PBX3: variants seen among roughly 807,000 people sequenced by gnomAD.
PBX3 encodes the protein PBX homeobox 3.
In PBX3, 14 loss-of-function variants were observed where a neutral mutation model predicts 48.5. The ratio of observed to expected loss-of-function variants is 0.29; its 90% CI spans 0.19 to 0.45. The LOEUF (loss-of-function observed/expected upper bound fraction) is 0.45, where lower values mean the gene tolerates loss of function less well. Among genes scored for constraint, PBX3 ranks in the 20% least tolerant of loss-of-function variants. The pLI is 1.00. For synonymous variants in PBX3, 210 were observed against 200.3 expected (o/e 1.05, Z -0.41); for missense variants, 386 against 546.7 (o/e 0.71, Z 2.93).
At chr9:125,827,223 T>G (rs1296584721) in intron 2 of PBX3, among the ~76,000 whole-genome samples, 1 of 152,216 alleles carries the variant, frequency 6.6e-6, no homozygotes, top group African/African-American at 2.4e-5. Flanking sequence ...TAAAGACCCA[T>G]GTAGGGTATA....
chr9:125,933,795 A>G (rs1393384762), intron 4 of PBX3, among the ~76,000 whole-genome samples: 1 of 152,156 alleles, frequency 6.6e-6, no homozygotes, highest in Non-Finnish European at 1.5e-5. Context: ...ATGAGCAGGT[A>G]ATTACTGTGT....
In PBX3 at chr9:125,960,823, C is replaced by T; in HGVS notation, c.983C>T (p.Thr328Ile). Reference protein sequence around the residue: ...AVAAAVQNNQTNSPTTPNSGS... With the variant: ...AVAAAVQNNQINSPTTPNSGS... ...GCAGCAGCTGTGCAGAACAACCAGACCAATTCGCCCACCACACCAAATTCC... is the reference window on the plus strand; with the variant it reads ...GCAGCAGCTGTGCAGAACAACCAGATCAATTCGCCCACCACACCAAATTCC... The change falls in exon 6 of 9, where the codon ACC becomes ATC. Residue 328 changes from threonine to isoleucine, a missense_variant. Physicochemically the swap from Thr to Ile is moderately conservative, Grantham distance 89. This residue lies in a region of PBX3 where 127 missense variants were observed against 143.3 expected (regional missense o/e 0.89). Coordinates refer to ENST00000373489, the MANE Select transcript of PBX3 (RefSeq NM_006195.6). The T allele has an allele frequency of 6.2e-7, 1 of 1,614,092 alleles. No homozygotes were observed. Among genetic ancestry groups the T allele is most frequent in the Non-Finnish European group, 8.5e-7 (1 of 1,179,954 alleles).
intron 2 of PBX3, among the ~76,000 whole-genome samples, chr9:125,831,275 G>A (rs890553007): frequency 6.6e-6 from 1 of 152,286 alleles, no homozygotes; most frequent in Admixed American, 6.5e-5. Flanking sequence ...CAGTGGATTA[G>A]GTAGTGCCAG....
chr9:125,921,574 G>GAT (rs1208585562), intron 3 of PBX3, among the ~76,000 whole-genome samples: 1 of 152,022 alleles, frequency 6.6e-6, no homozygotes, highest in Non-Finnish European at 1.5e-5. Flanking sequence ...ACCCTCATGA[G>GAT]ATAGGTCCCT....
chr9:125,771,821 A>G (rs1156750949), intron 2 of PBX3, among the ~76,000 whole-genome samples: 1 of 152,086 alleles, frequency 6.6e-6, no homozygotes, highest in African/African-American at 2.4e-5. Flanking sequence ...TAGCCTTTAC[A>G]TTCTTCAGAA....
intron 2 of PBX3, among the ~76,000 whole-genome samples, chr9:125,828,562 A>T (rs990387556): frequency 4.6e-5 from 7 of 152,170 alleles, no homozygotes; most frequent in African/African-American, 1.7e-4. Context: ...TTGATGATCC[A>T]TCTGGAAAAA....
chr9:125,772,900 T>A (rs1353037126), intron 2 of PBX3, among the ~76,000 whole-genome samples: 1 of 152,198 alleles, frequency 6.6e-6, no homozygotes, highest in Admixed American at 6.5e-5. Flanking sequence ...ACACCATCTC[T>A]ACCTATTCTC....
At chr9:125,804,725 G>A (rs1404506501) in intron 2 of PBX3, among the ~76,000 whole-genome samples, 2 of 152,144 alleles carry the variant, frequency 1.3e-5, no homozygotes, top group East Asian at 3.9e-4. Flanking sequence ...GATCACCTGA[G>A]ATCAGGAGTT....
chr9:125,899,426 T>TA (rs1404671267), intron 2 of PBX3, among the ~76,000 whole-genome samples: 1 of 127,862 alleles, frequency 7.8e-6, no homozygotes, highest in African/African-American at 3.0e-5. Flanking sequence ...TATATGTATG[T>TA]CTATATATAT....
intron 5 of PBX3, among the ~76,000 whole-genome samples, chr9:125,951,505 T>C (rs1332777689): frequency 6.6e-6 from 1 of 152,180 alleles, no homozygotes; most frequent in Non-Finnish European, 1.5e-5. Context: ...CCTTAGGCAC[T>C]GTAGGAAGCA....
At chr9:125,781,588 A>T (rs988513489) in intron 2 of PBX3, among the ~76,000 whole-genome samples, 1 of 149,300 alleles carries the variant, frequency 6.7e-6, no homozygotes, top group Non-Finnish European at 1.5e-5. Flanking sequence ...GGGAGAGGCG[A>T]GAGGCGAGAG....
At chr9:125,807,347 A>G (rs1469506132) in intron 2 of PBX3, among the ~76,000 whole-genome samples, 1 of 150,414 alleles carries the variant, frequency 6.6e-6, no homozygotes, top group African/African-American at 2.5e-5. Flanking sequence ...GAAAAAAAAA[A>G]AGAAAATATT....
At chr9:125,845,253 G>A (rs541290790) in intron 2 of PBX3, among the ~76,000 whole-genome samples, 277 of 152,178 alleles carry the variant, frequency 1.8e-3, no homozygotes, top group African/African-American at 6.5e-3. Flanking sequence ...CTCATCTGAA[G>A]CATTTTTATG....
intron 2 of PBX3, among the ~76,000 whole-genome samples, chr9:125,828,092 G>A (rs1167105812): frequency 6.6e-6 from 1 of 152,056 alleles, no homozygotes; most frequent in Non-Finnish European, 1.5e-5. Flanking sequence ...TGTGTATTTT[G>A]TATTTTTAGG....
intron 2 of PBX3, among the ~76,000 whole-genome samples, chr9:125,830,842 G>A (rs1305187117): frequency 1.3e-5 from 2 of 151,954 alleles, no homozygotes; most frequent in Non-Finnish European, 2.9e-5. Context: ...CTAAGTCATT[G>A]TGGTTTTTTT....
In PBX3 at chr9:125,845,131, G is replaced by T. The variant is rs1261174809; in HGVS notation, c.275-70555G>T. 5 of 152,130 alleles carry T rather than the reference G, an allele frequency of 3.3e-5. No homozygotes were observed. The South Asian group carries it at 6.2e-4, about 19-fold the overall frequency. 9.4% of individuals were successfully genotyped at this position (152,130 alleles called of 1,614,324 possible). A position where few individuals can be genotyped will look rare whatever the true frequency, so the allele number is the denominator to read the frequency against. On this transcript the variant is annotated intron_variant, in intron 2 of 8. Coordinates refer to ENST00000373489, the MANE Select transcript of PBX3 (RefSeq NM_006195.6). ...TTTTTTCCTTCCTTTTGAAGGGATT[G>T]CTATGTCTCCGTACCTAAATCTTTC...
chr9:125,885,115 G>A (rs1319872527), intron 2 of PBX3, among the ~76,000 whole-genome samples: 1 of 152,038 alleles, frequency 6.6e-6, no homozygotes, highest in East Asian at 1.9e-4. Flanking sequence ...ATAATAAGTA[G>A]GGTGCTCCTT....
chr9:125,896,135 T>C (rs1840762742), intron 2 of PBX3, among the ~76,000 whole-genome samples: 1 of 152,062 alleles, frequency 6.6e-6, no homozygotes, highest in Non-Finnish European at 1.5e-5. Context: ...CCTTCTCCAC[T>C]GGCTGATGAA....
chr9:125,949,339 G>T (rs1416876204), intron 5 of PBX3: 2 of 1,549,944 alleles, frequency 1.3e-6, no homozygotes, highest in East Asian at 4.9e-5. Context: ...AATGCCAGTT[G>T]TCATCCATTC....
Sources: allele counts gnomAD v4.1 joint callset (sites outside exome capture counted in the v4.1 genomes callset), GRCh38; gene constraint gnomAD v4.1.1; regional missense constraint gnomAD v4.1.1; transcripts MANE v1.5; gene names NCBI Gene and HGNC (gene_info 2026-07-23, HGNC 2026-07-21).